Variants in ATXN7 observed in about 807,000 individuals in gnomAD.
The protein encoded by ATXN7 is ataxin 7.
Under a neutral mutation model 70.5 loss-of-function variants are expected in ATXN7, and 12 were observed. That is an observed-to-expected ratio of 0.17 (90% CI 0.11 to 0.28). The LOEUF (loss-of-function observed/expected upper bound fraction) is 0.28. Among genes scored for constraint, ATXN7 ranks in the 10% least tolerant of loss-of-function variants. The pLI, the probability that ATXN7 is intolerant of heterozygous loss-of-function variation, is 1.00. For synonymous variants in ATXN7, 498 were observed against 448.7 expected (o/e 1.11, Z -1.39); for missense variants, 1,256 against 1,131.7 (o/e 1.11, Z -1.58).
In ATXN7 at chr3:63,990,845, T is replaced by A; in HGVS notation, c.1668T>A (p.Asn556Lys). 5 of 1,614,256 alleles carry A rather than the reference T, an allele frequency of 3.1e-6. No individual in the cohort carries two copies. The highest frequency in any genetic ancestry group is 1.6e-4 in the Middle Eastern group (1 of 6,062). The change falls in exon 11 of 13, where the codon AAT (asparagine) becomes AAA (lysine). Residue 556 changes from asparagine (N) to lysine (K), a missense_variant. Physicochemically the swap from Asn to Lys is moderately conservative, Grantham distance 94. Transcript: ENST00000674280. ...ACCTCATGGTGGAGAAGCATCTGAATGCACAGCTATGGAAGTGAGTGCCTG... is the reference window on the plus strand; with the variant it reads ...ACCTCATGGTGGAGAAGCATCTGAAAGCACAGCTATGGAAGTGAGTGCCTG... ...ALNLMVEKHL[N>K]AQLWKKIPPV...
intron 3 of ATXN7, 29 bp downstream of exon 3, chr3:63,912,952 C>G (rs1575884013): frequency 3.8e-6 from 5 of 1,304,138 alleles, no homozygotes; most frequent in Non-Finnish European, 3.1e-6. Flanking sequence ...CTCCCCCCTT[C>G]ACCCCCTCGC....
In ATXN7 at chr3:63,912,785, G is replaced by C. The variant is rs752810032; in HGVS notation, c.187G>C (p.Gly63Arg). The C allele has an allele frequency of 2.0e-6, 3 of 1,527,250 alleles. No homozygotes were observed. Among genetic ancestry groups the C allele is most frequent in the Non-Finnish European group, 2.6e-6 (3 of 1,141,230 alleles). The allele number at this position is 1,527,250 out of a possible 1,614,324, so 94.6% of individuals were successfully genotyped here. Reference protein sequence around the residue: ...PPPRRTRPEDGGPGAASTSAA... With the variant: ...PPPRRTRPEDRGPGAASTSAA... Reference sequence around the variant, plus strand: ...GCCACGGCGCACACGGCCGGAGGACGGCGGGCCCGGCGCCGCCTCCACCTC... The same window carrying C: ...GCCACGGCGCACACGGCCGGAGGACCGCGGGCCCGGCGCCGCCTCCACCTC... Residue 63 changes from glycine to arginine, a missense_variant, in exon 3 of 13, where the codon GGC (glycine) becomes CGC (arginine). Gly to Arg is a moderately radical substitution (Grantham distance 125). Coordinates refer to ENST00000674280, the MANE Select transcript of ATXN7 (RefSeq NM_001377405.1).
intron 11 of ATXN7, among the ~76,000 whole-genome samples, chr3:63,993,114 A>C (rs923410899): frequency 1.3e-5 from 2 of 152,086 alleles, no homozygotes; most frequent in African/African-American, 4.8e-5. Flanking sequence ...GCCAGTGGTG[A>C]AATTAGACCA....
chr3:63,967,722 A>G (rs1431359652), intron 5 of ATXN7: 3 of 1,343,228 alleles, frequency 2.2e-6, no homozygotes, highest in Admixed American at 3.1e-5. Flanking sequence ...ACCATATTAG[A>G]TGAAATTAGA....
chr3:63,914,109 T>C (rs1345812202), intron 4 of ATXN7, among the ~76,000 whole-genome samples: 1 of 152,202 alleles, frequency 6.6e-6, no homozygotes, highest in East Asian at 1.9e-4. Flanking sequence ...ATACTGAGTT[T>C]ATAGTCCCCG....
intron 5 of ATXN7, among the ~76,000 whole-genome samples, chr3:63,979,390 C>T (rs1048018401): frequency 2.6e-5 from 4 of 152,102 alleles, no homozygotes; most frequent in African/African-American, 9.7e-5. Flanking sequence ...ATAAGATAAC[C>T]CTAGAAACAT....
chr3:63,980,435 G>A (rs181945486), intron 6 of ATXN7: 158 of 470,904 alleles, frequency 3.4e-4, no homozygotes, highest in African/African-American at 2.9e-3. Context: ...TGTGTACTAT[G>A]TCACTTATCA....
At chr3:63,979,270 C>T (rs564920320) in intron 5 of ATXN7, among the ~76,000 whole-genome samples, 2 of 152,050 alleles carry the variant, frequency 1.3e-5, no homozygotes, top group East Asian at 1.9e-4. Flanking sequence ...GGCATCTTAG[C>T]GGTGTGAACC....
At chr3:63,970,868 A>C (rs1343874542) in intron 5 of ATXN7, among the ~76,000 whole-genome samples, 1 of 152,186 alleles carries the variant, frequency 6.6e-6, no homozygotes, top group Non-Finnish European at 1.5e-5. Context: ...AAATGCCAGG[A>C]GACCCGAATA....
chr3:63,980,342 A>G (rs2075465079), intron 6 of ATXN7, 175 bp downstream of exon 6: 4 of 851,978 alleles, frequency 4.7e-6, no homozygotes, highest in Admixed American at 5.8e-5. Flanking sequence ...GAAACTTTTC[A>G]GAGTAGTAAT....
intron 2 of ATXN7, among the ~76,000 whole-genome samples, chr3:63,900,019 G>T (rs1415199566): frequency 6.6e-6 from 1 of 152,200 alleles, no homozygotes; most frequent in Non-Finnish European, 1.5e-5. Flanking sequence ...AAGAGCTTGA[G>T]GCGGCAGTTA....
At chr3:63,930,777 G>A (rs1468044324) in intron 4 of ATXN7, among the ~76,000 whole-genome samples, 1 of 152,010 alleles carries the variant, frequency 6.6e-6, no homozygotes, top group African/African-American at 2.4e-5. Context: ...TGATCCGCCC[G>A]CCTTGGCCTC....
intron 4 of ATXN7, among the ~76,000 whole-genome samples, chr3:63,932,192 TA>T (rs1253616559): frequency 2.0e-5 from 3 of 152,196 alleles, no homozygotes; most frequent in Non-Finnish European, 4.4e-5. Flanking sequence ...TCAAGGTAAT[TA>T]AAAAATTTTT....
intron 4 of ATXN7, among the ~76,000 whole-genome samples, chr3:63,947,614 G>T (rs1008637613): frequency 6.6e-6 from 1 of 152,080 alleles, no homozygotes; most frequent in Non-Finnish European, 1.5e-5. Flanking sequence ...AATTTGAAGA[G>T]ATTGTATAAC....
chr3:63,920,603 A>G (rs1415421426), intron 4 of ATXN7, among the ~76,000 whole-genome samples: 1 of 152,168 alleles, frequency 6.6e-6, no homozygotes, highest in African/African-American at 2.4e-5. Flanking sequence ...TTTTAAGTAA[A>G]AATATCAGAG....
Position 63,995,777 on chromosome 3 carries a change from C to T in ATXN7, c.1955C>T (p.Ser652Phe), listed in dbSNP as rs2075748373. Reference protein sequence around the residue: ...QSRQVSSSSSSPSTPSGLSSV... With the variant: ...QSRQVSSSSSFPSTPSGLSSV... ...AGACAAGTGTCCTCTTCATCCTCAT[C>T]CCCTTCCACGCCCTCTGGCCTTTCC... Residue 652 changes from serine to phenylalanine, a missense_variant, in exon 12 of 13, where the codon TCC becomes TTC. Ser to Phe is a radical substitution (Grantham distance 155). Transcript: ENST00000674280. The T allele has an allele frequency of 1.2e-6, 2 of 1,614,228 alleles. No homozygotes were observed. The highest frequency in any genetic ancestry group is 1.3e-5 in the African/African-American group (1 of 75,054).
intron 4 of ATXN7, among the ~76,000 whole-genome samples, chr3:63,939,205 C>T (rs2074714081): frequency 2.0e-5 from 3 of 152,118 alleles, no homozygotes; most frequent in Admixed American, 2.0e-4. Context: ...GAGACTGATA[C>T]CTCTTATCCA....
At chr3:63,950,011 G>C (rs2106650722) in intron 4 of ATXN7, among the ~76,000 whole-genome samples, 1 of 152,272 alleles carries the variant, frequency 6.6e-6, no homozygotes, top group South Asian at 2.1e-4. Flanking sequence ...CTCAGTAAAT[G>C]TCAGCTGGTT....
rs188437512 is a variant in ATXN7 at position 63,946,966 on chromosome 3, G to T, written c.395-5413G>T. On this transcript the variant is annotated intron_variant, in intron 4 of 12. Transcript: ENST00000674280. ...TAGAGGCCCCATACCTTGACCTTGG[G>T]CACTGGCAGTGGGAGTGGCACTGGC... 5.3e-5 allele frequency among the ~76,000 whole-genome samples: 8 copies of T among 152,280 alleles called. 1 individual carries two copies. The highest frequency in any genetic ancestry group is 5.2e-4 in the Admixed American group (8 of 15,304).
Sources: allele counts gnomAD v4.1 joint callset (sites outside exome capture counted in the v4.1 genomes callset), GRCh38; gene constraint gnomAD v4.1.1; transcripts MANE v1.5; gene names NCBI Gene and HGNC (gene_info 2026-07-23, HGNC 2026-07-21).